The following SORCS1 variants were observed in gnomAD, a reference collection of about 807,000 sequenced individuals.
SORCS1 encodes VPS10 domain-containing receptor SorCS1.
Under a neutral mutation model 146.1 loss-of-function variants are expected in SORCS1, and 60 were observed. The observed-to-expected ratio is 0.41, with a 90% CI of 0.33 to 0.51. SORCS1 has a LOEUF of 0.51. SORCS1 is among the 20% of genes least tolerant of loss of function. SORCS1 has a pLI of 0.21. For missense variants in SORCS1, 1,352 were observed against 1,487.6 expected, an observed-to-expected ratio of 0.91 and a Z score of 1.50; for synonymous variants, 637 against 584.0, an observed-to-expected ratio of 1.09 and a Z score of -1.31.
At chr10:106,983,100 AGAG>A (rs1315136459) in intron 1 of SORCS1, among the ~76,000 whole-genome samples, 4 of 140,328 alleles carry the variant, frequency 2.9e-5, no homozygotes, top group African/African-American at 7.9e-5. Context: ...TCATTATCTC[AGAG>A]GAGGTTATAT....
intron 2 of SORCS1, among the ~76,000 whole-genome samples, chr10:106,925,097 T>C (rs1380994394): frequency 6.6e-6 from 1 of 152,070 alleles, no homozygotes; most frequent in Non-Finnish European, 1.5e-5. Context: ...AATGATTGAG[T>C]ATTTGCAAAT....
At chr10:106,992,635 T>C (rs1416840335) in intron 1 of SORCS1, among the ~76,000 whole-genome samples, 1 of 151,296 alleles carries the variant, frequency 6.6e-6, no homozygotes, top group African/African-American at 2.4e-5. Flanking sequence ...GCTGAGACTA[T>C]AGGTGTACAC....
rs552610278 is a variant in SORCS1 at position 106,685,474 on chromosome 10, G to A, written c.1560+2718C>T. ...GGACCATGAAGAAAAAAAGAGTTAA[G>A]ACAAATACAACTTTAGGGGATGCTC... is the stretch of plus-strand genomic sequence containing the variant. On this transcript the variant is annotated intron_variant, in intron 10 of 25. Coordinates refer to ENST00000263054, the MANE Select transcript of SORCS1 (RefSeq NM_052918.5). Among the ~76,000 whole-genome samples the A allele has an allele frequency of 1.1e-4, 16 of 152,184 alleles. No individual in the cohort carries two copies. In the South Asian group the frequency reaches 3.3e-3, roughly 32 times the overall value.
chr10:106,612,093 A>G (rs1018702078), intron 21 of SORCS1, 70 bp from the exon 22 acceptor site: 8 of 1,238,196 alleles, frequency 6.5e-6, no homozygotes, highest in Non-Finnish European at 9.3e-6. Context: ...TAGACTTTAT[A>G]TTTTATACAA....
chr10:106,990,238 G>A (rs1422194861), intron 1 of SORCS1, among the ~76,000 whole-genome samples: 2 of 151,998 alleles, frequency 1.3e-5, no homozygotes, highest in African/African-American at 4.8e-5. Flanking sequence ...CTAAAAACAA[G>A]GCCTTCTAAC....
chr10:106,699,323 G>A lies in SORCS1; in HGVS notation c.1304C>T (p.Thr435Met), dbSNP rs368458074. The A allele has an allele frequency of 8.7e-6, 14 of 1,613,900 alleles. No homozygotes were observed. Among genetic ancestry groups the A allele is most frequent in the African/African-American group, 5.3e-5 (4 of 74,906 alleles). ...AAVQEWNQNDTYNLYISDTRG... is the reference protein window; with the variant it reads ...AAVQEWNQNDMYNLYISDTRG... ...TGTGTCTGAGATGTAGAGGTTGTAC[G>A]TGTCATTCTGGTTCCATTCTTGGAC... is the stretch of plus-strand genomic sequence containing the variant. The change falls in exon 9 of 26, where the codon ACG becomes ATG. Residue 435 changes from threonine (T) to methionine (M), a missense_variant. Thr to Met is a moderately conservative substitution (Grantham distance 81, BLOSUM62 -1). Transcript: ENST00000263054.
At chr10:106,699,539 A>T (rs1334213222) in intron 8 of SORCS1, 146 bp from the exon 9 acceptor site, 1 of 632,972 alleles carries the variant, frequency 1.6e-6, no homozygotes, top group Non-Finnish European at 2.5e-6. Context: ...ATAAGAAATA[A>T]TAGTTAAGCA....
chr10:106,577,773 G>A, intron 25 of SORCS1: 1 of 833,414 alleles, frequency 1.2e-6, no homozygotes. Context: ...TAGACAGGGT[G>A]AATGCTTCTC....
At chr10:106,951,210 C>T (rs559045608) in intron 2 of SORCS1, among the ~76,000 whole-genome samples, 145 of 152,150 alleles carry the variant, frequency 9.5e-4, no homozygotes, top group African/African-American at 3.4e-3. Flanking sequence ...ATCTTTGTCC[C>T]CCTCTAAAAA....
intron 1 of SORCS1, among the ~76,000 whole-genome samples, chr10:107,124,086 C>CAAA (rs58402182): frequency 1.4e-5 from 1 of 72,330 alleles, no homozygotes; most frequent in Non-Finnish European, 3.0e-5. Flanking sequence ...GACTTCGTCT[C>CAAA]AAAAAAAAAA....
chr10:106,792,923 G>A (rs1489315353), intron 3 of SORCS1, among the ~76,000 whole-genome samples: 2 of 152,090 alleles, frequency 1.3e-5, no homozygotes, highest in Non-Finnish European at 2.9e-5. Context: ...ACTTTTTTGA[G>A]AGGAAAATTT....
At chr10:106,903,103 G>T (rs879603660) in intron 2 of SORCS1, among the ~76,000 whole-genome samples, 5 of 152,092 alleles carry the variant, frequency 3.3e-5, no homozygotes, top group Non-Finnish European at 7.4e-5. Context: ...AAAATAATTA[G>T]CTGGTAAAAC....
chr10:106,620,206 AT>A, intron 20 of SORCS1: 1 of 469,312 alleles, frequency 2.1e-6, no homozygotes, highest in Non-Finnish European at 3.6e-6. Flanking sequence ...AAACGTAAAC[AT>A]AGAGGAAGGC....
intron 2 of SORCS1, among the ~76,000 whole-genome samples, chr10:106,844,579 T>C (rs918185140): frequency 9.2e-5 from 14 of 151,756 alleles, no homozygotes; most frequent in Non-Finnish European, 1.8e-4. Context: ...TTTTTTTAAT[T>C]ATTATTTTTT....
At chr10:106,695,095 C>T (rs894935245) in intron 9 of SORCS1, among the ~76,000 whole-genome samples, 5 of 152,086 alleles carry the variant, frequency 3.3e-5, no homozygotes, top group South Asian at 2.1e-4. Flanking sequence ...ATGATGCACA[C>T]GATGCACCGG....
At chr10:107,143,708 G>A (rs1228742367) in intron 1 of SORCS1, among the ~76,000 whole-genome samples, 1 of 152,070 alleles carries the variant, frequency 6.6e-6, no homozygotes, top group Non-Finnish European at 1.5e-5. Context: ...GTTTCAGCAT[G>A]TTGATCAGGC....
At chr10:106,928,393 G>A (rs1040182215) in intron 2 of SORCS1, among the ~76,000 whole-genome samples, 5 of 152,202 alleles carry the variant, frequency 3.3e-5, no homozygotes, top group Admixed American at 6.5e-5. Context: ...CTCCGAGTGC[G>A]GGGCCGCCAA....
chr10:106,573,889 T>C lies in SORCS1; in HGVS notation c.*3531A>G, dbSNP rs1280779297. ...AAGGGTTTAGGATTAAAAAAAAAAA[T>C]ACCTGAGGCAAAGACTTTAGAGACA... is the stretch of plus-strand genomic sequence containing the variant. On this transcript the variant is annotated 3_prime_UTR_variant, in exon 26 of 26. Transcript: ENST00000263054. The C allele has an allele frequency of 6.6e-6, 1 of 151,752 alleles. No individual in the cohort carries two copies. Among genetic ancestry groups the C allele is most frequent in the Non-Finnish European group, 1.5e-5 (1 of 67,824 alleles). 9.4% of individuals were successfully genotyped at this position (151,752 alleles called of 1,614,324 possible).
chr10:106,613,440 C>T (rs897448490), intron 21 of SORCS1, among the ~76,000 whole-genome samples: 6 of 152,198 alleles, frequency 3.9e-5, no homozygotes, highest in African/African-American at 1.4e-4. Flanking sequence ...GCCAAAGTCG[C>T]TGGCAGAGGA....
Sources: allele counts gnomAD v4.1 joint callset (sites outside exome capture counted in the v4.1 genomes callset), GRCh38; gene constraint gnomAD v4.1.1; transcripts MANE v1.5; gene names NCBI Gene and HGNC (gene_info 2026-07-23, HGNC 2026-07-21).